The following CDH13 variants were observed in gnomAD, a reference collection of about 807,000 sequenced individuals.
CDH13 encodes cadherin-13.
In CDH13, 24 loss-of-function variants were observed where a neutral mutation model predicts 63.8. That is an observed-to-expected ratio of 0.38 (90% confidence interval 0.27 to 0.53). The LOEUF (loss-of-function observed/expected upper bound fraction) is 0.53. Among genes scored for constraint, CDH13 ranks in the 20% least tolerant of loss-of-function variants. CDH13 has a pLI of 0.85. For synonymous variants in CDH13, 503 were observed against 355.3 expected, an observed-to-expected ratio of 1.42 and a Z score of -4.67; for missense variants, 1,049 against 903.1, an observed-to-expected ratio of 1.16 and a Z score of -2.07.
chr16:83,783,270 A>T lies in CDH13; in HGVS notation c.1932A>T (p.Val644=). ...CCTTTACAGATACACACGCCCTGGT[A>T]AGCCTTCTTCAAAATCTGAACAAAG... ...ISKINNTHAL[V]SLLQNLNKAN... The change falls in exon 13 of 14, where the codon GTA becomes GTT. Residue 644 remains valine (V), a synonymous_variant. Coordinates refer to ENST00000567109, the MANE Select transcript of CDH13 (RefSeq NM_001257.5). 1 of 1,613,572 alleles carries T rather than the reference A, an allele frequency of 6.2e-7. No homozygotes were observed. The highest frequency in any genetic ancestry group is 2.2e-5 in the East Asian group (1 of 44,884).
intron 1 of CDH13, among the ~76,000 whole-genome samples, chr16:82,751,745 G>C (rs925895015): frequency 1.3e-5 from 2 of 151,330 alleles, no homozygotes; most frequent in Non-Finnish European, 1.5e-5. Flanking sequence ...TTAGACAAGA[G>C]ATCGCACGTT....
At position 83,157,738 on chromosome 16, in the gene CDH13, TAAAAAAA is replaced by T. The variant is rs58336254; in HGVS notation, c.483+32256_483+32262del. On this transcript the variant is annotated intron_variant, in intron 4 of 13. Coordinates refer to ENST00000567109, the MANE Select transcript of CDH13 (RefSeq NM_001257.5). ...TGAAACCCCGTCTCTACTAGAAATA[TAAAAAAA>T]AAAAAAAAAAAAAAAAAATTATCTG... is the stretch of plus-strand genomic sequence containing the variant. Among the ~76,000 whole-genome samples the T allele has an allele frequency of 7.0e-3, 698 of 99,514 alleles. 3 individuals carry two copies. Among genetic ancestry groups the T allele is most frequent in the African/African-American group, 0.018 (558 of 31,354 alleles). 65.3% of individuals were successfully genotyped at this position (99,514 alleles called of 152,430 possible). A position where few individuals can be genotyped will look rare whatever the true frequency, so the allele number is the denominator to read the frequency against.
At chr16:82,793,622 T>A (rs918582022) in intron 1 of CDH13, among the ~76,000 whole-genome samples, 1 of 152,108 alleles carries the variant, frequency 6.6e-6, no homozygotes, top group African/African-American at 2.4e-5. Flanking sequence ...CTGAAAGTAT[T>A]TTTATGCCCG....
chr16:82,988,394 A>T lies in CDH13; in HGVS notation c.158-43616A>T, dbSNP rs577989851. 2.6e-5 allele frequency among the ~76,000 whole-genome samples: 4 copies of T among 152,108 alleles called. No individual in the cohort carries two copies. The East Asian group carries it at 7.8e-4, about 29-fold the overall frequency. On this transcript the variant is annotated intron_variant, in intron 2 of 13. Coordinates refer to ENST00000567109, the MANE Select transcript of CDH13 (RefSeq NM_001257.5). ...GGTGAACCCCTAGTGTGAAGTAGAG[A>T]AATTGGAGGCTGGAGTTATAGAGGC...
chr16:83,730,918 G>A (rs1283714525), intron 10 of CDH13, among the ~76,000 whole-genome samples: 5 of 149,036 alleles, frequency 3.4e-5, no homozygotes, highest in Non-Finnish European at 5.9e-5. Context: ...TGCAGTATTT[G>A]GTTTTCTGTC....
rs1491522390 is a variant in CDH13, at chr16:83,006,933, T to TTTG, written c.158-25075_158-25074insGTT. On this transcript the variant is annotated intron_variant, in intron 2 of 13. Coordinates refer to ENST00000567109, the MANE Select transcript of CDH13 (RefSeq NM_001257.5). ...GTTTGTTTGTTTGTTTGTTTGTTTG[T>TTTG]TTTTTTTGAGACAGAGTTTCACTCT... Among the ~76,000 whole-genome samples the TTTG allele has an allele frequency of 3.9e-4, 39 of 100,816 alleles. 1 individual carries two copies. The highest frequency in any genetic ancestry group is 6.1e-4 in the Non-Finnish European group (26 of 42,704). 66.1% of individuals were successfully genotyped at this position (100,816 alleles called of 152,430 possible).
In CDH13 at chr16:82,968,926, C is replaced by A. The variant is rs180709303; in HGVS notation, c.158-63084C>A. Among the ~76,000 whole-genome samples, 309 of 152,172 alleles carry A rather than the reference C, an allele frequency of 2.0e-3. No homozygotes were observed. The South Asian group carries it at 0.025, about 12-fold the overall frequency. ...CTTGAGCTCAAGAGTTCAAGACAAG[C>A]CTGGACAACATGGAAAAACCCCATC... On this transcript the variant is annotated intron_variant, in intron 2 of 13. Coordinates refer to ENST00000567109, the MANE Select transcript of CDH13 (RefSeq NM_001257.5).
intron 1 of CDH13, among the ~76,000 whole-genome samples, chr16:82,697,742 TGTGTGTGTGTGTGTGTG>T (rs1209892111): frequency 9.1e-3 from 6 of 662 alleles, no homozygotes; most frequent in Non-Finnish European, 0.026. Context: ...CGAGGCATTG[TGTGTGTGTGTGTGTGTG>T]TGTGTGTGTG....
At chr16:83,665,737 T>C (rs988093658) in intron 8 of CDH13, among the ~76,000 whole-genome samples, 4 of 152,234 alleles carry the variant, frequency 2.6e-5, no homozygotes, top group African/African-American at 9.6e-5. Context: ...GTGCAGTCCT[T>C]TAAACTTGTC....
At chr16:83,651,469 A>G (rs1013032200) in intron 8 of CDH13, among the ~76,000 whole-genome samples, 3 of 151,956 alleles carry the variant, frequency 2.0e-5, no homozygotes, top group African/African-American at 7.3e-5. Context: ...CATTTTGCAG[A>G]TGAGAAAATG....
intron 7 of CDH13, among the ~76,000 whole-genome samples, chr16:83,581,113 G>A (rs1038011380): frequency 6.6e-6 from 1 of 152,162 alleles, no homozygotes; most frequent in African/African-American, 2.4e-5. Context: ...TATTTCAGCT[G>A]GCATGGAAGG....
chr16:82,637,428 C>CTTGTTTTTTTTTT (rs1908792617), intron 1 of CDH13, among the ~76,000 whole-genome samples: 1 of 81,654 alleles, frequency 1.2e-5, no homozygotes, highest in Non-Finnish European at 2.2e-5. Context: ...GTTACTGTGC[C>CTTGTTTTTTTTTT]TTTTTTTTTT....
intron 2 of CDH13, among the ~76,000 whole-genome samples, chr16:83,006,569 C>T (rs1251827361): frequency 2.0e-5 from 3 of 152,124 alleles, no homozygotes; most frequent in Admixed American, 2.0e-4. Flanking sequence ...CCATTTGCTC[C>T]TTGTCCACAG....
At chr16:82,657,875 G>GTT (rs1404611906) in intron 1 of CDH13, among the ~76,000 whole-genome samples, 1 of 152,088 alleles carries the variant, frequency 6.6e-6, no homozygotes, top group African/African-American at 2.4e-5. Flanking sequence ...ACTAAGTTTT[G>GTT]TTTCTTACTT....
intron 6 of CDH13, among the ~76,000 whole-genome samples, chr16:83,414,496 C>T (rs80110041): frequency 1.2e-4 from 19 of 152,098 alleles, no homozygotes; most frequent in Non-Finnish European, 4.4e-5. Context: ...CTAGGTACAG[C>T]ATTGTATGGC....
At chr16:82,798,730 C>T (rs1413198120) in intron 1 of CDH13, among the ~76,000 whole-genome samples, 1 of 152,128 alleles carries the variant, frequency 6.6e-6, no homozygotes, top group African/African-American at 2.4e-5. Flanking sequence ...TGAGGCTGTA[C>T]TGGGAAACAC....
At position 83,795,376 on chromosome 16, in the gene CDH13, A is replaced by C; in HGVS notation, c.*346A>C. 3.1e-6 allele frequency: 1 copy of C among 320,116 alleles called. No individual in the cohort carries two copies. Among genetic ancestry groups the C allele is most frequent in the Non-Finnish European group, 5.9e-6 (1 of 170,618 alleles). 19.8% of individuals were successfully genotyped at this position (320,116 alleles called of 1,614,324 possible). A position where few individuals can be genotyped will look rare whatever the true frequency, so the allele number is the denominator to read the frequency against. On this transcript the variant is annotated 3_prime_UTR_variant, in exon 14 of 14. Coordinates refer to ENST00000567109, the MANE Select transcript of CDH13 (RefSeq NM_001257.5). ...AGGCACCCAGCTTTGTCTGTGGGTT[A>C]GTATTGGTGTATGTATGAGTATCTG...
chr16:83,147,857 T>C (rs8064200), intron 4 of CDH13, among the ~76,000 whole-genome samples: 1 of 151,854 alleles, frequency 6.6e-6, no homozygotes, highest in Non-Finnish European at 1.5e-5. Context: ...CCTGACACCA[T>C]CATAAGCTGT....
intron 2 of CDH13, among the ~76,000 whole-genome samples, chr16:83,004,888 G>A (rs1052903738): frequency 2.6e-5 from 4 of 152,210 alleles, no homozygotes; most frequent in Non-Finnish European, 4.4e-5. Flanking sequence ...TAGCATGGAT[G>A]GAGATGGCAC....
Sources: allele counts gnomAD v4.1 joint callset (sites outside exome capture counted in the v4.1 genomes callset), GRCh38; gene constraint gnomAD v4.1.1; transcripts MANE v1.5; gene names NCBI Gene and HGNC (gene_info 2026-07-23, HGNC 2026-07-21).